The following FAM135B variants were observed in gnomAD, a reference collection of about 807,000 sequenced individuals.
FAM135B encodes the protein protein FAM135B.
FAM135B carries 43 observed loss-of-function variants against 127.7 expected under a neutral mutation model. The ratio of observed to expected loss-of-function variants is 0.34; its 90% confidence interval spans 0.26 to 0.43. The LOEUF is 0.43. Among genes scored for constraint, FAM135B ranks in the 20% least tolerant of loss-of-function variants. The probability of loss-of-function intolerance (pLI) is 1.00; values close to 1 mark genes in which losing one functional copy is unlikely to be tolerated. For synonymous variants in FAM135B, 670 were observed against 665.1 expected, an observed-to-expected ratio of 1.01 and a Z score of -0.11; for missense variants, 1,558 against 1,725.6, an observed-to-expected ratio of 0.90 and a Z score of 1.72.
chr8:138,465,181 G>A (rs1334569516), intron 1 of FAM135B, among the ~76,000 whole-genome samples: 1 of 152,138 alleles, frequency 6.6e-6, no homozygotes, highest in Admixed American at 6.5e-5. Flanking sequence ...CCAAAGTAGG[G>A]GGAAAGGAAG....
chr8:138,166,177 T>C (rs1490327526), intron 12 of FAM135B, among the ~76,000 whole-genome samples: 1 of 152,130 alleles, frequency 6.6e-6, no homozygotes, highest in African/African-American at 2.4e-5. Context: ...GTTTGTGAGG[T>C]TGTTTATAGG....
intron 17 of FAM135B, among the ~76,000 whole-genome samples, chr8:138,139,543 C>T (rs563251853): frequency 1.3e-5 from 2 of 152,232 alleles, no homozygotes; most frequent in Admixed American, 1.3e-4. Flanking sequence ...CAGACCGAGG[C>T]GGGTGGATCA....
intron 1 of FAM135B, among the ~76,000 whole-genome samples, chr8:138,417,176 A>G (rs1260577120): frequency 6.6e-6 from 1 of 152,182 alleles, no homozygotes; most frequent in Non-Finnish European, 1.5e-5. Flanking sequence ...ACAGACCTGA[A>G]CAGAGCAGGG....
chr8:138,243,072 A>G lies in FAM135B; in HGVS notation c.543-4T>C. The G allele has an allele frequency of 1.9e-6, 3 of 1,604,964 alleles. No homozygotes were observed. The highest frequency in any genetic ancestry group is 1.7e-4 in the Middle Eastern group (1 of 5,946). On this transcript the variant is annotated splice_polypyrimidine_tract_variant and splice_region_variant and intron_variant, in intron 6 of 19. Coordinates refer to ENST00000395297, the MANE Select transcript of FAM135B (RefSeq NM_015912.4). This position sits in a 1 kb window ranked among gnomAD's most constrained non-coding sequence, Gnocchi z 7.5. ...GCCTCTTCCTGGACGAGTAAAACTAAACAAAAGATAATTGAAAGGGTGAAA... is the reference window on the plus strand; with the variant it reads ...GCCTCTTCCTGGACGAGTAAAACTAGACAAAAGATAATTGAAAGGGTGAAA...
chr8:138,357,304 T>C (rs1031790112), intron 2 of FAM135B, among the ~76,000 whole-genome samples: 5 of 152,120 alleles, frequency 3.3e-5, no homozygotes, highest in Non-Finnish European at 7.4e-5. Flanking sequence ...AAATACAGCA[T>C]TGGTTAAATA....
intron 7 of FAM135B, among the ~76,000 whole-genome samples, chr8:138,220,787 T>C (rs999842754): frequency 1.3e-5 from 2 of 151,914 alleles, no homozygotes; most frequent in Admixed American, 6.6e-5. Flanking sequence ...TATAAGAAAA[T>C]AGGAAATAGA....
At chr8:138,157,315 T>G (rs112737095) in intron 12 of FAM135B, among the ~76,000 whole-genome samples, 62 of 152,188 alleles carry the variant, frequency 4.1e-4, no homozygotes, top group African/African-American at 1.4e-3. Flanking sequence ...TAAGAGCTAT[T>G]TATGACAAAC....
intron 7 of FAM135B, among the ~76,000 whole-genome samples, chr8:138,227,023 C>T (rs1175159361): frequency 6.6e-6 from 1 of 152,202 alleles, no homozygotes; most frequent in African/African-American, 2.4e-5. Context: ...TATACAGAGC[C>T]TGGCCTCTCC....
intron 2 of FAM135B, among the ~76,000 whole-genome samples, chr8:138,327,504 A>T (rs1224385026): frequency 1.3e-5 from 2 of 152,204 alleles, no homozygotes; most frequent in Non-Finnish European, 2.9e-5. Flanking sequence ...GGGTACATAA[A>T]ATGACCCATA....
chr8:138,335,891 A>G (rs1183834143), intron 2 of FAM135B, among the ~76,000 whole-genome samples: 1 of 152,350 alleles, frequency 6.6e-6, no homozygotes, highest in East Asian at 1.9e-4. Flanking sequence ...AAGAACAGAA[A>G]TTATCACAAA....
Position 138,152,789 on chromosome 8 carries a change from G to T in FAM135B, c.1686C>A (p.Asn562Lys). 1.2e-6 allele frequency: 2 copies of T among 1,614,172 alleles called. No homozygotes were observed. The highest frequency in any genetic ancestry group is 1.7e-6 in the Non-Finnish European group (2 of 1,180,030). ...CCACCAGGGGTTCAGCTCTGGAGGG[G>T]TTCTTATTGCTAGATTTTACGTCAA... ...TYIDVKSSNK[N>K]PSRAEPLVAF... Residue 562 changes from asparagine (N) to lysine (K), a missense_variant, in exon 13 of 20, where the codon AAC becomes AAA. By Grantham distance (94) the Asn-to-Lys change is moderately conservative. Around this residue, in one of 5 missense-constraint regions of FAM135B, gnomAD observed 923 missense variants for 865.3 expected, o/e 1.07. Coordinates refer to ENST00000395297, the MANE Select transcript of FAM135B (RefSeq NM_015912.4).
intron 1 of FAM135B, chr8:138,441,750 G>C (rs1353509747): frequency 6.6e-6 from 1 of 150,952 alleles, no homozygotes. Flanking sequence ...AGATTAGCTT[G>C]AGACCTTGAT....
chr8:138,159,164 C>T (rs1207389927), intron 12 of FAM135B, among the ~76,000 whole-genome samples: 8 of 145,626 alleles, frequency 5.5e-5, no homozygotes, highest in Admixed American at 2.8e-4. Context: ...CCCAGCTACT[C>T]GGGAGGCTGA....
At chr8:138,449,202 C>G (rs1028078662) in intron 1 of FAM135B, among the ~76,000 whole-genome samples, 2 of 152,110 alleles carry the variant, frequency 1.3e-5, no homozygotes, top group East Asian at 3.9e-4. Context: ...ATGCTTCTCA[C>G]ATACATAATT....
chr8:138,348,127 CT>C (rs58289442), intron 2 of FAM135B, among the ~76,000 whole-genome samples: 1,397 of 52,778 alleles, frequency 0.026, 11 homozygotes, highest in East Asian at 0.16. Context: ...TTTTCCTCCT[CT>C]TTTTTTTTTT....
In FAM135B at chr8:138,307,209, C is replaced by T. The variant is rs546925338; in HGVS notation, c.157+3632G>A. On this transcript the variant is annotated intron_variant, in intron 3 of 19. Transcript: ENST00000395297. Reference sequence around the variant, plus strand: ...GCTGTTATTGTGATAGTGAATAGGTCTCATGAGATCTGAGTTTTAAAAAGA... The same window carrying T: ...GCTGTTATTGTGATAGTGAATAGGTTTCATGAGATCTGAGTTTTAAAAAGA... 1.8e-4 allele frequency among the ~76,000 whole-genome samples: 27 copies of T among 152,254 alleles called. 1 individual carries two copies. In the South Asian group the frequency reaches 5.4e-3, roughly 30 times the overall value.
chr8:138,228,970 C>A (rs904201426), intron 7 of FAM135B, among the ~76,000 whole-genome samples: 6 of 152,168 alleles, frequency 3.9e-5, no homozygotes, highest in Non-Finnish European at 5.9e-5. Context: ...CCAAACAGAG[C>A]ACAGCCGCTT....
At chr8:138,259,391 C>T (rs1034467954) in intron 4 of FAM135B, among the ~76,000 whole-genome samples, 5 of 152,166 alleles carry the variant, frequency 3.3e-5, no homozygotes, top group African/African-American at 1.2e-4. Flanking sequence ...GGCCAATCAA[C>T]CTCTCTGTTG....
chr8:138,231,572 A>C (rs1014938888), intron 7 of FAM135B, among the ~76,000 whole-genome samples: 1 of 152,222 alleles, frequency 6.6e-6, no homozygotes, highest in Non-Finnish European at 1.5e-5. Context: ...AATGTGACAG[A>C]TATGGCTTCC....
Sources: gnomAD v4.1 joint callset for allele counts (sites outside exome capture counted in the v4.1 genomes callset) on GRCh38, gnomAD v4.1.1 for gene constraint, gnomAD v4.1.1 regional missense constraint, Gnocchi (gnomAD v3.1) non-coding constraint, MANE v1.5 for transcripts, NCBI Gene and HGNC (gene_info 2026-07-23, HGNC 2026-07-21) for gene names.